The following ASIC2 variants were observed in gnomAD, a reference collection of about 807,000 sequenced individuals.
ASIC2 encodes acid sensing ion channel subunit 2, also known as acid-sensing ion channel 2.
Under a neutral mutation model 57.3 loss-of-function variants are expected in ASIC2, and 25 were observed. The observed-to-expected ratio is 0.44, with a 90% confidence interval of 0.32 to 0.61. The LOEUF is 0.61. Ranked by LOEUF, ASIC2 falls within the 20% of genes least tolerant of loss-of-function variation. The pLI, the probability that ASIC2 is intolerant of heterozygous loss-of-function variation, is 0.06. For synonymous variants in ASIC2, 319 were observed against 307.5 expected, an observed-to-expected ratio of 1.04 and a Z score of -0.39; for missense variants, 641 against 738.1, an observed-to-expected ratio of 0.87 and a Z score of 1.52.
chr17:34,097,418 G>C (rs1262912550), intron 1 of ASIC2, among the ~76,000 whole-genome samples: 1 of 152,158 alleles, frequency 6.6e-6, no homozygotes, highest in African/African-American at 2.4e-5. Flanking sequence ...GTTGTGGGTT[G>C]AATAGAGTCC....
chr17:33,953,184 ATT>A (rs1339934996), intron 1 of ASIC2, among the ~76,000 whole-genome samples: 1 of 152,206 alleles, frequency 6.6e-6, no homozygotes, highest in Non-Finnish European at 1.5e-5. Flanking sequence ...GAGATGTGAG[ATT>A]TTGAATGACA....
intron 1 of ASIC2, among the ~76,000 whole-genome samples, chr17:34,099,123 AGAGAGAGAGAGAGAGAGAG>A: frequency 3.5e-5 from 1 of 28,330 alleles, no homozygotes; most frequent in African/African-American, 1.2e-4. Context: ...AGAGAGAGAG[AGAGAGAGAGAGAGAGAGAG>A]AGACAGAGAG....
At chr17:34,090,608 G>C (rs183704442) in intron 1 of ASIC2, among the ~76,000 whole-genome samples, 1 of 152,136 alleles carries the variant, frequency 6.6e-6, no homozygotes, top group Non-Finnish European at 1.5e-5. Context: ...ATTAGCATTT[G>C]GTTTCTTCAT....
rs1910399170 is a variant in ASIC2, at chr17:33,404,543, T to C, written c.556-292476A>G. ...AGGAGCAACATCTGAAGCAGATGGC[T>C]CAACTTCCAATCAGTTGCACTCCAG... On this transcript the variant is annotated intron_variant, in intron 1 of 9. Coordinates refer to the ASIC2 transcript ENST00000359872. 2.6e-5 allele frequency among the ~76,000 whole-genome samples: 4 copies of C among 152,316 alleles called. No homozygotes were observed. In the South Asian group the frequency reaches 6.2e-4, roughly 24 times the overall value.
chr17:33,433,866 A>C (rs1911506697), intron 1 of ASIC2, among the ~76,000 whole-genome samples: 1 of 152,102 alleles, frequency 6.6e-6, no homozygotes, highest in African/African-American at 2.4e-5. Flanking sequence ...TGTACTCCTG[A>C]ACATAAAAGT....
chr17:33,582,988 G>T (rs1904491805), intron 1 of ASIC2, among the ~76,000 whole-genome samples: 1 of 152,140 alleles, frequency 6.6e-6, no homozygotes, highest in African/African-American at 2.4e-5. Flanking sequence ...CAAATGAGTG[G>T]GGCTGGGTGG....
chr17:33,638,780 T>G (rs1906456403), intron 1 of ASIC2, among the ~76,000 whole-genome samples: 1 of 151,924 alleles, frequency 6.6e-6, no homozygotes, highest in South Asian at 2.1e-4. Context: ...CCCAAGCACA[T>G]TTTATCCCTG....
At chr17:33,186,221 C>A (rs186305140) in intron 1 of ASIC2, among the ~76,000 whole-genome samples, 1 of 152,228 alleles carries the variant, frequency 6.6e-6, no homozygotes, top group Admixed American at 6.5e-5. Flanking sequence ...AGTGATTCTC[C>A]TGCCTCAGAC....
At chr17:33,873,684 T>A (rs1485022155) in intron 1 of ASIC2, among the ~76,000 whole-genome samples, 1 of 152,234 alleles carries the variant, frequency 6.6e-6, no homozygotes, top group African/African-American at 2.4e-5. Context: ...AAGCACCCAA[T>A]GCAAACTTTC....
In ASIC2 at chr17:33,800,212, C is replaced by T. The variant is rs1017058959; in HGVS notation, c.555+355766G>A. On this transcript the variant is annotated intron_variant, in intron 1 of 9. Coordinates refer to the ASIC2 transcript ENST00000359872. ...ACCCATCCAAGCTCTTAGACCAGGA[C>T]AATCTGTCAGCTTTGCCAGTCTGCT... Among the ~76,000 whole-genome samples the T allele has an allele frequency of 3.9e-5, 6 of 152,290 alleles. No homozygotes were observed. The South Asian group carries it at 8.3e-4, about 21-fold the overall frequency.
chr17:33,977,426 A>G (rs1241129301), intron 1 of ASIC2, among the ~76,000 whole-genome samples: 2 of 152,206 alleles, frequency 1.3e-5, no homozygotes, highest in African/African-American at 4.8e-5. Flanking sequence ...GCAAAAGTGA[A>G]CATCAAAGCT....
In ASIC2 at chr17:34,037,636, G is replaced by A. The variant is rs201916701; in HGVS notation, c.555+118342C>T. On this transcript the variant is annotated intron_variant, in intron 1 of 9. Transcript: ENST00000359872. ...GGAGTCAGTCTCAATTAGAAGAACT[G>A]TTATTGGACGCCCCAGAGGTTGATG... 2.4e-3 allele frequency: 3,904 copies of A among 1,606,426 alleles called. 12 individuals carry two copies. The highest frequency in any genetic ancestry group is 0.018 in the Middle Eastern group (106 of 6,002).
Position 33,657,246 on chromosome 17 carries a change from G to A in ASIC2, c.555+498732C>T, listed in dbSNP as rs112129173. 4.9e-3 allele frequency among the ~76,000 whole-genome samples: 749 copies of A among 152,310 alleles called. 4 individuals carry two copies. The highest frequency in any genetic ancestry group is 0.017 in the African/African-American group (724 of 41,562). On this transcript the variant is annotated intron_variant, in intron 1 of 9. Transcript: ENST00000359872. ...TGGTCCAAACCCCCCATCCTGGGCTGTGGTGCTTGGAAGATGCAACACACC... is the reference window on the plus strand; with the variant it reads ...TGGTCCAAACCCCCCATCCTGGGCTATGGTGCTTGGAAGATGCAACACACC...
chr17:33,701,686 G>T (rs1908706032), intron 1 of ASIC2, among the ~76,000 whole-genome samples: 1 of 152,202 alleles, frequency 6.6e-6, no homozygotes, highest in African/African-American at 2.4e-5. Context: ...GACAGCCTTT[G>T]CAGTGCTACC....
intron 1 of ASIC2, among the ~76,000 whole-genome samples, chr17:33,236,035 C>G (rs565593402): frequency 5.3e-5 from 8 of 152,174 alleles, no homozygotes; most frequent in Admixed American, 1.3e-4. Context: ...CAGGGTTTCA[C>G]CACGTTGGCC....
At chr17:34,054,746 T>C (rs756713276) in intron 1 of ASIC2, among the ~76,000 whole-genome samples, 4 of 152,084 alleles carry the variant, frequency 2.6e-5, no homozygotes, top group African/African-American at 4.8e-5. Flanking sequence ...GGAGATGACA[T>C]AGGTGAAGGA....
chr17:34,075,363 G>T (rs1334709943), intron 1 of ASIC2, among the ~76,000 whole-genome samples: 1 of 152,174 alleles, frequency 6.6e-6, no homozygotes, highest in Non-Finnish European at 1.5e-5. Context: ...TAGCTGTGTG[G>T]CCATGGATAA....
Position 33,034,725 on chromosome 17 carries a change from C to T in ASIC2, c.988-6333G>A, listed in dbSNP as rs767286448. On this transcript the variant is annotated intron_variant, in intron 3 of 9. Coordinates refer to ENST00000225823, the MANE Select transcript of ASIC2 (RefSeq NM_183377.2). ...TTGTTCCCTGCAGGTATTATGCCCC[C>T]TTTTCTCCCTCTGGCTGCCTTTGTG... is the stretch of plus-strand genomic sequence containing the variant. Among the ~76,000 whole-genome samples, 63 of 152,248 alleles carry T rather than the reference C, an allele frequency of 4.1e-4. No individual in the cohort carries two copies. In the Middle Eastern group the frequency reaches 0.01, roughly 25 times the overall value.
intron 1 of ASIC2, among the ~76,000 whole-genome samples, chr17:33,747,174 G>C (rs1270861843): frequency 6.6e-6 from 1 of 150,438 alleles, no homozygotes; most frequent in Non-Finnish European, 1.5e-5. Flanking sequence ...TGAACTCTCT[G>C]CTCTCCTGCA....
Sources: gnomAD v4.1 joint callset for allele counts (sites outside exome capture counted in the v4.1 genomes callset) on GRCh38, gnomAD v4.1.1 for gene constraint, MANE v1.5 for transcripts, NCBI Gene and HGNC (gene_info 2026-07-23, HGNC 2026-07-21) for gene names.